Variants in DCHS2 observed in about 807,000 individuals in gnomAD.
The protein encoded by DCHS2 is protocadherin-23.
A neutral mutation model predicts 182.4 loss-of-function variants in DCHS2; 142 were observed. That is an observed-to-expected ratio of 0.78 (90% CI 0.68 to 0.89). The LOEUF is 0.89. Among genes scored for constraint, DCHS2 ranks in the 40% least tolerant of loss-of-function variants. DCHS2 has a pLI of 0.00. For missense variants in DCHS2, 4,319 were observed against 4,198.6 expected (o/e 1.03, Z -0.79); for synonymous variants, 1,740 against 1,663.3 (o/e 1.05, Z -1.12).
At chr4:154,271,027 A>G (rs140096368) in intron 13 of DCHS2, among the ~76,000 whole-genome samples, 25 of 152,284 alleles carry the variant, frequency 1.6e-4, no homozygotes, top group Non-Finnish European at 2.1e-4. Flanking sequence ...AAGACAAAAG[A>G]GAAGGAAGTC....
Position 154,491,508 on chromosome 4 carries a change from T to A in DCHS2, c.-153A>T. ...CGGCCCAGGAATTCCCGAGGTTACA[T>A]CTGCAACTGGTGAAAGCGTCCTCTG... is the stretch of plus-strand genomic sequence containing the variant. On this transcript the variant is annotated 5_prime_UTR_variant, in exon 1 of 20. An upstream start codon of the reference 5' UTR is lost. Coordinates refer to ENST00000357232, the MANE Select transcript of DCHS2 (RefSeq NM_001358235.2). The A allele has an allele frequency of 7.1e-7, 1 of 1,400,110 alleles. No homozygotes were observed. Among genetic ancestry groups the A allele is most frequent in the Non-Finnish European group, 9.2e-7 (1 of 1,083,270 alleles). 86.7% of individuals were successfully genotyped at this position (1,400,110 alleles called of 1,614,324 possible). A position where few individuals can be genotyped will look rare whatever the true frequency, so the allele number is the denominator to read the frequency against.
In DCHS2 at chr4:154,490,854, G is replaced by A. The variant is rs989053520; in HGVS notation, c.502C>T (p.Pro168Ser). Reference protein sequence around the residue: ...NDVNDHSPRFPLDSLQLDVSE... With the variant: ...NDVNDHSPRFSLDSLQLDVSE... ...ACGTCGAGTTGCAGGGAGTCGAGGGGAAAGCGGGGCGAGTGGTCATTCACG... is the reference window on the plus strand; with the variant it reads ...ACGTCGAGTTGCAGGGAGTCGAGGGAAAAGCGGGGCGAGTGGTCATTCACG... Residue 168 changes from proline (P) to serine (S), a missense_variant, in exon 1 of 20, where the codon CCC becomes TCC. Transcript: ENST00000357232. The A allele has an allele frequency of 6.4e-7, 1 of 1,551,506 alleles. No homozygotes were observed. The highest frequency in any genetic ancestry group is 8.7e-7 in the Non-Finnish European group (1 of 1,146,956).
intron 12 of DCHS2, among the ~76,000 whole-genome samples, chr4:154,301,216 CT>C (rs1466037256): frequency 4.6e-5 from 7 of 152,164 alleles, no homozygotes; most frequent in African/African-American, 1.2e-4. Flanking sequence ...ATTTTAATGC[CT>C]GGGAAGATAT....
In DCHS2 at chr4:154,365,674, C is replaced by T. The variant is rs570536811; in HGVS notation, c.2476+536G>A. On this transcript the variant is annotated intron_variant, in intron 3 of 19. Transcript: ENST00000357232. ...TACTTTTTTTTTTCTTTTTTTTAGA[C>T]GGAGTCTCTCTGTCACCCAGGCTGG... is the stretch of plus-strand genomic sequence containing the variant. 4.0e-5 allele frequency among the ~76,000 whole-genome samples: 6 copies of T among 151,016 alleles called. No homozygotes were observed. The South Asian group carries it at 1.1e-3, about 27-fold the overall frequency.
Position 154,287,626 on chromosome 4 carries a change from A to G in DCHS2, c.6463+10225T>C, listed in dbSNP as rs192301128. ...TTTCCAAGTAGCTGAGATTACAGGT[A>G]TGTGCACCATACCTGGCTAATTTTT... On this transcript the variant is annotated intron_variant, in intron 13 of 19. Transcript: ENST00000357232. Among the ~76,000 whole-genome samples, 276 of 152,122 alleles carry G rather than the reference A, an allele frequency of 1.8e-3. 1 individual carries two copies. Among genetic ancestry groups the G allele is most frequent in the Admixed American group, 4.3e-3 (65 of 15,258 alleles).
intron 1 of DCHS2, among the ~76,000 whole-genome samples, chr4:154,410,482 A>AAG (rs1012932095): frequency 6.7e-6 from 1 of 148,986 alleles, no homozygotes; most frequent in Non-Finnish European, 1.5e-5. Context: ...AAAAAAAAAA[A>AAG]AAAAGAAAAT....
chr4:154,242,928 T>A (rs774795675), intron 16 of DCHS2, among the ~76,000 whole-genome samples, 156 bp from the exon 17 acceptor site: 2 of 152,192 alleles, frequency 1.3e-5, no homozygotes, highest in Non-Finnish European at 2.9e-5. Context: ...TAAAATGTAT[T>A]TCATAAGAAT....
rs754067432 is a variant in DCHS2 at position 154,328,156 on chromosome 4, T to G, written c.3955A>C (p.Thr1319Pro). 9.9e-6 allele frequency: 16 copies of G among 1,609,370 alleles called. No homozygotes were observed. Among genetic ancestry groups the G allele is most frequent in the Non-Finnish European group, 1.4e-5 (16 of 1,177,930 alleles). The change falls in exon 7 of 20, where the codon ACT becomes CCT. Residue 1319 changes from threonine (T) to proline (P), a missense_variant. Thr to Pro is a conservative substitution (Grantham distance 38, BLOSUM62 -1). Coordinates refer to ENST00000357232, the MANE Select transcript of DCHS2 (RefSeq NM_001358235.2). ...TCATCAGGATCCTTTGCAAACACAGTTGTAACCAACATATTTACTGGTTGA... is the reference window on the plus strand; with the variant it reads ...TCATCAGGATCCTTTGCAAACACAGGTGTAACCAACATATTTACTGGTTGA... Reference protein sequence around the residue: ...EGQPVNMLVTTVFAKDPDEGN... With the variant: ...EGQPVNMLVTPVFAKDPDEGN...
chr4:154,452,337 A>G (rs1377847471), intron 1 of DCHS2, among the ~76,000 whole-genome samples: 2 of 152,326 alleles, frequency 1.3e-5, no homozygotes, highest in East Asian at 3.9e-4. Context: ...ACCCTACTAA[A>G]GAAGCTTTAA....
chr4:154,463,218 C>G (rs1735092080), intron 1 of DCHS2, among the ~76,000 whole-genome samples: 1 of 150,910 alleles, frequency 6.6e-6, no homozygotes, highest in South Asian at 2.1e-4. Flanking sequence ...TGTTTTTGTT[C>G]TACACCAATG....
rs146794663 is a variant in DCHS2 at position 154,455,977 on chromosome 4, C to T, written c.2052+33327G>A. On this transcript the variant is annotated intron_variant, in intron 1 of 19. Transcript: ENST00000357232. ...TGGTGGCACATGCCTGTAATCCCAG[C>T]TACTCAGGAGGCTGAGGTAAGAGAA... is the stretch of plus-strand genomic sequence containing the variant. Among the ~76,000 whole-genome samples, 622 of 152,132 alleles carry T rather than the reference C, an allele frequency of 4.1e-3. 4 individuals are homozygous for T. The highest frequency in any genetic ancestry group is 0.014 in the African/African-American group (586 of 41,480).
intron 12 of DCHS2, among the ~76,000 whole-genome samples, chr4:154,302,524 C>A (rs1049956708): frequency 2.2e-4 from 34 of 152,184 alleles, no homozygotes. Context: ...TCCTGTGTGG[C>A]TCCTCTATCA....
intron 18 of DCHS2, 106 bp downstream of exon 18, chr4:154,240,431 G>A (rs781676729): frequency 5.1e-6 from 7 of 1,377,818 alleles, no homozygotes; most frequent in South Asian, 1.5e-5. Flanking sequence ...ACTACAAACA[G>A]TGAATGCTGT....
chr4:154,392,948 A>G (rs1435983053), intron 1 of DCHS2, among the ~76,000 whole-genome samples: 1 of 152,194 alleles, frequency 6.6e-6, no homozygotes, highest in African/African-American at 2.4e-5. Context: ...ATAATCTTGC[A>G]TAATCCACTT....
chr4:154,256,828 G>C (rs987422067), intron 15 of DCHS2, among the ~76,000 whole-genome samples: 3 of 152,080 alleles, frequency 2.0e-5, no homozygotes, highest in Non-Finnish European at 4.4e-5. Context: ...AGAGTTCTCA[G>C]GGGACCCTGA....
At chr4:154,458,507 G>T (rs1734867370) in intron 1 of DCHS2, among the ~76,000 whole-genome samples, 1 of 152,002 alleles carries the variant, frequency 6.6e-6, no homozygotes, top group African/African-American at 2.4e-5. Flanking sequence ...TATCTTGTTT[G>T]CTTTGAAGTT....
chr4:154,240,131 T>C (rs1731730083), intron 18 of DCHS2, among the ~76,000 whole-genome samples: 1 of 152,156 alleles, frequency 6.6e-6, no homozygotes, highest in Non-Finnish European at 1.5e-5. Flanking sequence ...CACTTTATAG[T>C]TTTGTTCGTG....
At chr4:154,442,171 C>T (rs1691064656) in intron 1 of DCHS2, among the ~76,000 whole-genome samples, 1 of 152,094 alleles carries the variant, frequency 6.6e-6, no homozygotes, top group Non-Finnish European at 1.5e-5. Context: ...CAGACCACCA[C>T]TTATCCTTCC....
chr4:154,486,925 G>A (rs1728609286), intron 1 of DCHS2, among the ~76,000 whole-genome samples: 1 of 152,148 alleles, frequency 6.6e-6, no homozygotes, highest in Admixed American at 6.5e-5. Context: ...AAGGTTTGTT[G>A]CAATTGTTGG....
Sources: allele counts gnomAD v4.1 joint callset (sites outside exome capture counted in the v4.1 genomes callset), GRCh38; gene constraint gnomAD v4.1.1; transcripts MANE v1.5; gene names NCBI Gene and HGNC (gene_info 2026-07-23, HGNC 2026-07-21).